Variants in CTNNA3 observed in about 807,000 individuals in gnomAD.
The protein encoded by CTNNA3 is catenin alpha 3.
A neutral mutation model predicts 95.7 loss-of-function variants in CTNNA3; 76 were observed. The ratio of observed to expected loss-of-function variants is 0.79; its 90% CI spans 0.66 to 0.96. The LOEUF is 0.96. Among genes scored for constraint, CTNNA3 ranks in the 40% least tolerant of loss-of-function variants. The probability of loss-of-function intolerance (pLI) is 0.00; values close to 1 mark genes in which losing one functional copy is unlikely to be tolerated. For synonymous variants in CTNNA3, 431 were observed against 374.4 expected (o/e 1.15, Z -1.74); for missense variants, 1,191 against 1,089.8 (o/e 1.09, Z -1.31).
At chr10:66,572,381 TAAAA>T (rs5785764) in intron 10 of CTNNA3, among the ~76,000 whole-genome samples, 4 of 146,240 alleles carry the variant, frequency 2.7e-5, no homozygotes, top group Non-Finnish European at 6.0e-5. Context: ...GACTCTGTCT[TAAAA>T]AAAAAAAAAA....
intron 13 of CTNNA3, among the ~76,000 whole-genome samples, chr10:66,260,613 T>C (rs146530810): frequency 1.3e-5 from 2 of 152,234 alleles, no homozygotes; most frequent in South Asian, 2.1e-4. Context: ...AATTCCTATG[T>C]CTTACCTACT....
intron 2 of CTNNA3, among the ~76,000 whole-genome samples, chr10:67,620,923 G>GTATATATATATATATA (rs56300519): frequency 2.3e-4 from 29 of 123,828 alleles, no homozygotes; most frequent in Non-Finnish European, 2.7e-4. Flanking sequence ...GTGTGTGTGT[G>GTATATATATATATATA]TATATATATA....
At chr10:66,384,859 T>A (rs919042316) in intron 11 of CTNNA3, among the ~76,000 whole-genome samples, 1 of 151,558 alleles carries the variant, frequency 6.6e-6, no homozygotes, top group African/African-American at 2.4e-5. Flanking sequence ...CATAACGAAA[T>A]GAAGGAAGAA....
intron 1 of CTNNA3, among the ~76,000 whole-genome samples, chr10:67,718,418 TG>T (rs1472047124): frequency 1.3e-5 from 2 of 152,226 alleles, no homozygotes; most frequent in Non-Finnish European, 2.9e-5. Flanking sequence ...TTCCAGCTTT[TG>T]CCCATTCAGA....
intron 13 of CTNNA3, among the ~76,000 whole-genome samples, chr10:66,154,792 A>G (rs1452002984): frequency 7.0e-6 from 1 of 143,480 alleles, no homozygotes; most frequent in Non-Finnish European, 1.5e-5. Context: ...TGTCCTATTA[A>G]TTTTTTAACA....
intron 9 of CTNNA3, among the ~76,000 whole-genome samples, chr10:66,750,240 G>T (rs929287814): frequency 3.3e-5 from 5 of 152,170 alleles, no homozygotes; most frequent in Non-Finnish European, 7.4e-5. Context: ...CATATCAATT[G>T]TTTCCTTCAT....
intron 7 of CTNNA3, among the ~76,000 whole-genome samples, chr10:67,175,435 G>A (rs191970150): frequency 2.6e-5 from 4 of 152,130 alleles, no homozygotes; most frequent in African/African-American, 9.6e-5. Flanking sequence ...CCAAGACATG[G>A]AATGCATTAA....
chr10:66,945,330 A>C (rs1216327059), intron 7 of CTNNA3, among the ~76,000 whole-genome samples: 1 of 152,196 alleles, frequency 6.6e-6, no homozygotes, highest in East Asian at 1.9e-4. Flanking sequence ...TTTACTTTGC[A>C]CTTTTATGTT....
At chr10:65,997,518 A>G (rs1238590801) in intron 15 of CTNNA3, among the ~76,000 whole-genome samples, 2 of 152,130 alleles carry the variant, frequency 1.3e-5, no homozygotes, top group African/African-American at 4.8e-5. Context: ...TTGTTTGCCC[A>G]TTACTAAGTT....
intron 12 of CTNNA3, among the ~76,000 whole-genome samples, chr10:66,347,149 A>G (rs2092528642): frequency 1.3e-5 from 2 of 152,126 alleles, no homozygotes. Flanking sequence ...CAAATTCAAT[A>G]AATAGTAGAA....
chr10:67,035,354 A>C (rs2133124371), intron 7 of CTNNA3, among the ~76,000 whole-genome samples: 1 of 152,312 alleles, frequency 6.6e-6, no homozygotes, highest in East Asian at 1.9e-4. Flanking sequence ...AATGATTCAG[A>C]AGGGACCAAA....
At chr10:67,519,890 T>C (rs186292638) in intron 5 of CTNNA3, among the ~76,000 whole-genome samples, 67 of 152,252 alleles carry the variant, frequency 4.4e-4, no homozygotes, top group South Asian at 1.9e-3. Context: ...TTTAAAGGAA[T>C]AGAATGCGAG....
At chr10:66,249,620 C>T (rs2090470063) in intron 13 of CTNNA3, among the ~76,000 whole-genome samples, 1 of 152,090 alleles carries the variant, frequency 6.6e-6, no homozygotes, top group African/African-American at 2.4e-5. Context: ...ATCTAAAAGA[C>T]AAGCAATAAC....
chr10:67,747,326 G>C (rs1375500121), intron 1 of CTNNA3, among the ~76,000 whole-genome samples: 3 of 152,230 alleles, frequency 2.0e-5, no homozygotes, highest in Non-Finnish European at 2.9e-5. Context: ...CCCCCCAACA[G>C]GGGTCACCGG....
At chr10:67,721,975 G>C (rs73271950) in intron 1 of CTNNA3, among the ~76,000 whole-genome samples, 1 of 151,982 alleles carries the variant, frequency 6.6e-6, no homozygotes, top group African/African-American at 2.4e-5. Context: ...GCTTGCCTGG[G>C]TATCACCAGC....
chr10:66,139,648 A>G (rs2083515868), intron 13 of CTNNA3, among the ~76,000 whole-genome samples: 1 of 152,148 alleles, frequency 6.6e-6, no homozygotes, highest in Non-Finnish European at 1.5e-5. Context: ...AAAATATTCA[A>G]ATTATGACAT....
At chr10:66,699,066 TAAAC>T (rs1847858026) in intron 9 of CTNNA3, among the ~76,000 whole-genome samples, 1 of 152,214 alleles carries the variant, frequency 6.6e-6, no homozygotes, top group African/African-American at 2.4e-5. Context: ...CAGATACACA[TAAAC>T]AATCACATCT....
intron 7 of CTNNA3, among the ~76,000 whole-genome samples, chr10:67,105,495 G>T (rs1314346764): frequency 6.6e-6 from 1 of 152,084 alleles, no homozygotes; most frequent in East Asian, 1.9e-4. Context: ...CTGATGTTGA[G>T]AAATGAATTG....
At chr10:66,429,305 G>C (rs1160507081) in intron 11 of CTNNA3, among the ~76,000 whole-genome samples, 1 of 152,108 alleles carries the variant, frequency 6.6e-6, no homozygotes, top group Admixed American at 6.6e-5. Flanking sequence ...CGGATTCACA[G>C]CCGATTTCTA....
Sources: gnomAD v4.1 joint callset for allele counts (sites outside exome capture counted in the v4.1 genomes callset) on GRCh38, gnomAD v4.1.1 for gene constraint, MANE v1.5 for transcripts, NCBI Gene and HGNC (gene_info 2026-07-23, HGNC 2026-07-21) for gene names.